Variants in PIGT observed in about 807,000 individuals in gnomAD.
PIGT encodes phosphatidylinositol glycan anchor biosynthesis class T.
In PIGT, 57 loss-of-function variants were observed where a neutral mutation model predicts 66.7. That is an observed-to-expected ratio of 0.86 (90% CI 0.69 to 1.07). PIGT has a LOEUF of 1.07. PIGT is among the 50% of genes least tolerant of loss of function. PIGT has a pLI of 0.00. For missense variants in PIGT, 725 were observed against 740.4 expected (o/e 0.98, Z 0.24); for synonymous variants, 362 against 320.5 (o/e 1.13, Z -1.38).
chr20:45,418,054 C>T (rs2145439112), intron 2 of PIGT: 1 of 152,388 alleles, frequency 6.6e-6, no homozygotes, highest in South Asian at 2.1e-4. Flanking sequence ...TTTATGCTTT[C>T]TCTATTACTG....
At chr20:45,423,792 T>A (rs1187505120) in intron 9 of PIGT, 1 of 183,980 alleles carries the variant, frequency 5.4e-6, no homozygotes, top group Non-Finnish European at 1.2e-5. Context: ...TTTGTCCTTG[T>A]GCTAGTGTTT....
chr20:45,419,462 G>T, intron 4 of PIGT, 42 bp from the exon 5 acceptor site: 2 of 1,611,506 alleles, frequency 1.2e-6, no homozygotes, highest in Non-Finnish European at 1.7e-6. Context: ...CATGCCAAGT[G>T]CTCCATACAG....
chr20:45,424,731 A>G (rs1076634), intron 11 of PIGT, 152 bp downstream of exon 11: 8,305 of 622,542 alleles, frequency 0.013, 346 homozygotes, highest in East Asian at 0.097. Context: ...AAATCCTGGC[A>G]GTCTGTGGAA....
Position 45,425,803 on chromosome 20 carries a change from G to T in PIGT, c.1714G>T (p.Ala572Ser). The change falls in exon 12 of 12, where the codon GCC (alanine) becomes TCC (serine). Residue 572 changes from alanine to serine, a missense_variant. Transcript: ENST00000279036. ...AKRLANLIRR[A>S]RGVPPL is the part of the protein sequence containing the mutation. The stretch of plus-strand genomic sequence containing the variant: ...GCGGCTGGCCAACCTTATCCGGCGC[G>T]CCCGAGGTGTCCCCCCACTCTGATT... 1 of 1,613,698 alleles carries T rather than the reference G, an allele frequency of 6.2e-7. No individual in the cohort carries two copies. The highest frequency in any genetic ancestry group is 8.5e-7 in the Non-Finnish European group (1 of 1,179,856).
chr20:45,419,447 C>T lies in PIGT; in HGVS notation c.594+52C>T, dbSNP rs368012737. ...GGGCGGGGGGTGTATAGAGAACCTG[C>T]GCCCCATGCCAAGTGCTCCATACAG... On this transcript the variant is annotated intron_variant, in intron 4 of 11. Transcript: ENST00000279036. The T allele has an allele frequency of 1.1e-4, 174 of 1,605,516 alleles. No homozygotes were observed. The African/African-American group carries it at 1.7e-3, about 16-fold the overall frequency.
intron 8 of PIGT, 123 bp from the exon 9 acceptor site, chr20:45,421,260 T>G: frequency 1.4e-6 from 1 of 704,702 alleles, no homozygotes; most frequent in Non-Finnish European, 2.2e-6. Flanking sequence ...TTGCCCAGTT[T>G]CAGTGGCAGG....
intron 8 of PIGT, 61 bp from the exon 9 acceptor site, chr20:45,421,322 G>A: frequency 7.0e-7 from 1 of 1,434,408 alleles, no homozygotes; most frequent in Non-Finnish European, 9.5e-7. Context: ...GCCTGGGCAG[G>A]TGGGGTGGGG....
intron 2 of PIGT, 133 bp from the exon 3 acceptor site, chr20:45,418,719 C>A: frequency 2.7e-6 from 3 of 1,114,816 alleles, no homozygotes; most frequent in South Asian, 1.3e-5. Context: ...AATGTTCCAG[C>A]TCCATCAACT....
In PIGT at chr20:45,420,359, G is replaced by A. The variant is rs780632511; in HGVS notation, c.797G>A (p.Arg266Gln). The change falls in exon 7 of 12, where the codon CGA (arginine) becomes CAA (glutamine). Residue 266 changes from arginine (R) to glutamine (Q), a missense_variant. Arg to Gln is a conservative substitution (Grantham distance 43). Coordinates refer to ENST00000279036, the MANE Select transcript of PIGT (RefSeq NM_015937.6). ...TGGTCCCTCTTCCGGATGTTCTCCCGAACCCTCACGGAGCCCTGCCCCCTG... is the reference window on the plus strand; with the variant it reads ...TGGTCCCTCTTCCGGATGTTCTCCCAAACCCTCACGGAGCCCTGCCCCCTG... The part of the protein sequence containing the change: ...KDWSLFRMFS[R>Q]TLTEPCPLAS... 10 of 1,613,198 alleles carry A rather than the reference G, an allele frequency of 6.2e-6. No individual in the cohort carries two copies. The highest frequency in any genetic ancestry group is 4.0e-5 in the African/African-American group (3 of 74,782).
intron 11 of PIGT, 146 bp from the exon 12 acceptor site, chr20:45,425,428 T>A: frequency 2.6e-6 from 2 of 760,626 alleles, no homozygotes; most frequent in Non-Finnish European, 4.0e-6. Flanking sequence ...GGTTTAGAGA[T>A]TGAGCTATGC....
At chr20:45,425,400 C>T (rs879246843) in intron 11 of PIGT, 174 bp from the exon 12 acceptor site, 74 of 498,322 alleles carry the variant, frequency 1.5e-4, no homozygotes, top group South Asian at 1.0e-3. Flanking sequence ...GCCCCCCGCC[C>T]GCCGCTCCCC....
intron 8 of PIGT, 166 bp from the exon 9 acceptor site, chr20:45,421,217 C>A (rs2145453806): frequency 1.6e-6 from 1 of 615,730 alleles, no homozygotes; most frequent in African/African-American, 1.8e-5. Context: ...CGCTTGTTGG[C>A]TGGGGAAGAC....
chr20:45,420,734 A>G (rs1399142832), intron 8 of PIGT, 41 bp downstream of exon 8: 2 of 1,603,450 alleles, frequency 1.2e-6, no homozygotes, highest in South Asian at 1.1e-5. Context: ...TGCAACGGCT[A>G]CAGAGAAAAG....
At chr20:45,421,627 A>G (rs374959599) in intron 9 of PIGT, 44 bp downstream of exon 9, 39 of 1,527,178 alleles carry the variant, frequency 2.6e-5, no homozygotes, top group Non-Finnish European at 3.1e-5. Context: ...CCGCCCTCTC[A>G]TGTCCTCTCC....
At chr20:45,425,437 G>A (rs1034093683) in intron 11 of PIGT, 137 bp from the exon 12 acceptor site, 23 of 589,706 alleles carry the variant, frequency 3.9e-5, no homozygotes, top group Non-Finnish European at 6.1e-5. Context: ...ATTGAGCTAT[G>A]CCTTCTGTTG....
In PIGT at chr20:45,416,676, T is replaced by G. The variant is rs534024741; in HGVS notation, c.347T>G (p.Phe116Cys). ...TCAGGTGCAGAGCTGTGGGTCTGGT[T>G]CCAAGACACTGTCACTGAGTGAGTG... Reference protein sequence around the residue: ...APSGAELWVWFQDTVTDVDKS... With the variant: ...APSGAELWVWCQDTVTDVDKS... Residue 116 changes from phenylalanine (F) to cysteine (C), a missense_variant, in exon 2 of 12, where the codon TTC (phenylalanine) becomes TGC (cysteine). Coordinates refer to ENST00000279036, the MANE Select transcript of PIGT (RefSeq NM_015937.6). 6.2e-7 allele frequency: 1 copy of G among 1,613,436 alleles called. No homozygotes were observed. The highest frequency in any genetic ancestry group is 8.5e-7 in the Non-Finnish European group (1 of 1,179,856).
Position 45,420,417 on chromosome 20 carries a change from C to T in PIGT, c.855C>T (p.Thr285=). Residue 285 remains threonine (T), a synonymous_variant, in exon 7 of 12, where the codon ACC becomes ACT. Transcript: ENST00000279036. Reference sequence around the variant, plus strand: ...AGAGCCGAGTCTATGTGGACATCACCACCTACAACCAGGTAACAAGGTCTC... The same window carrying T: ...AGAGCCGAGTCTATGTGGACATCACTACCTACAACCAGGTAACAAGGTCTC... ...ASESRVYVDI[T]TYNQDNETLE... 6.2e-7 allele frequency: 1 copy of T among 1,613,272 alleles called. No individual in the cohort carries two copies. Among genetic ancestry groups the T allele is most frequent in the Non-Finnish European group, 8.5e-7 (1 of 1,179,586 alleles).
At chr20:45,418,703 G>T in intron 2 of PIGT, 149 bp from the exon 3 acceptor site, 1 of 930,880 alleles carries the variant, frequency 1.1e-6, no homozygotes, top group South Asian at 1.5e-5. Flanking sequence ...GCTGGCTGGG[G>T]GCAGCAATGT....
At chr20:45,417,972 T>C (rs1312157261) in intron 2 of PIGT, 26 of 152,268 alleles carry the variant, frequency 1.7e-4, no homozygotes, top group Admixed American at 1.7e-3. Flanking sequence ...CTGCTGTCAC[T>C]GTCTTCCCTC....
Sources: allele counts gnomAD v4.1 joint callset, GRCh38; gene constraint gnomAD v4.1.1; transcripts MANE v1.5; gene names NCBI Gene and HGNC (gene_info 2026-07-23, HGNC 2026-07-21).